The following FTO variants were observed in gnomAD, a reference collection of about 807,000 sequenced individuals.
FTO encodes the protein alpha-ketoglutarate-dependent dioxygenase FTO.
Under a neutral mutation model 63.9 loss-of-function variants are expected in FTO, and 47 were observed. The ratio of observed to expected loss-of-function variants is 0.74; its 90% CI spans 0.58 to 0.94. The LOEUF (loss-of-function observed/expected upper bound fraction) is 0.94. FTO is among the 40% of genes least tolerant of loss of function. The pLI, the probability that FTO is intolerant of heterozygous loss-of-function variation, is 0.00. For missense variants in FTO, 562 were observed against 618.1 expected, an observed-to-expected ratio of 0.91 and a Z score of 0.96; for synonymous variants, 207 against 224.4, an observed-to-expected ratio of 0.92 and a Z score of 0.69.
intron 8 of FTO, among the ~76,000 whole-genome samples, chr16:53,980,744 C>G (rs2083523662): frequency 6.6e-6 from 1 of 152,152 alleles, no homozygotes; most frequent in Non-Finnish European, 1.5e-5. Flanking sequence ...ATCAGTAAAT[C>G]TAAATAGAAA....
intron 1 of FTO, among the ~76,000 whole-genome samples, chr16:53,736,353 AT>A (rs148449131): frequency 0.05 from 7,585 of 150,736 alleles, 617 homozygotes; most frequent in African/African-American, 0.18. Context: ...TTAAAGTATA[AT>A]TAAAAAAAAA....
intron 8 of FTO, chr16:54,039,777 C>T (rs1413178771): frequency 6.6e-6 from 1 of 152,222 alleles, no homozygotes; most frequent in African/African-American, 2.4e-5. Flanking sequence ...AAGGTTTATC[C>T]TGATTGTAAT....
At chr16:54,055,653 G>C (rs2085414739) in intron 8 of FTO, among the ~76,000 whole-genome samples, 1 of 152,088 alleles carries the variant, frequency 6.6e-6, no homozygotes, top group Non-Finnish European at 1.5e-5. Context: ...AATTCCCTAG[G>C]AAGAAACAAG....
chr16:53,825,776 C>T (rs1598756239), intron 2 of FTO, 88 bp from the exon 3 acceptor site: 10 of 1,515,748 alleles, frequency 6.6e-6, no homozygotes, highest in Non-Finnish European at 9.0e-6. Flanking sequence ...CCCACAACTC[C>T]CCAAATGCTT....
intron 8 of FTO, among the ~76,000 whole-genome samples, chr16:54,016,407 A>G (rs1446354772): frequency 1.3e-5 from 2 of 151,930 alleles, no homozygotes; most frequent in African/African-American, 4.8e-5. Flanking sequence ...CCTAGTTGCT[A>G]CCACCCCTCA....
chr16:53,989,445 C>T (rs1187629581), intron 8 of FTO, among the ~76,000 whole-genome samples: 5 of 152,140 alleles, frequency 3.3e-5, no homozygotes, highest in South Asian at 2.1e-4. Context: ...ACTGGGGTCT[C>T]GAACCCAGTA....
intron 8 of FTO, among the ~76,000 whole-genome samples, chr16:54,092,924 CA>C (rs2086426315): frequency 6.6e-6 from 1 of 152,232 alleles, no homozygotes; most frequent in Non-Finnish European, 1.5e-5. Context: ...CAGGAAGCAG[CA>C]AGGAAGCAGC....
chr16:53,939,030 G>A (rs1478142310), intron 8 of FTO, among the ~76,000 whole-genome samples: 3 of 152,054 alleles, frequency 2.0e-5, no homozygotes, highest in South Asian at 2.1e-4. Flanking sequence ...CCCGGGAGGC[G>A]GAGCTTGCAG....
intron 1 of FTO, among the ~76,000 whole-genome samples, chr16:53,722,160 G>A (rs534700489): frequency 6.6e-6 from 1 of 152,232 alleles, no homozygotes; most frequent in East Asian, 1.9e-4. Context: ...GTGTCAAAAA[G>A]TATGATACTA....
intron 2 of FTO, among the ~76,000 whole-genome samples, chr16:53,819,787 C>T (rs2151759536): frequency 6.6e-6 from 1 of 152,160 alleles, no homozygotes; most frequent in Admixed American, 6.5e-5. Context: ...TGGTAAATTT[C>T]CAGAGGCATA....
chr16:53,733,980 C>T (rs987555749), intron 1 of FTO, among the ~76,000 whole-genome samples: 6 of 152,212 alleles, frequency 3.9e-5, no homozygotes, highest in Non-Finnish European at 8.8e-5. Context: ...CACACAAGCA[C>T]ACACATTTTA....
chr16:53,971,646 G>A (rs1461960065), intron 8 of FTO, among the ~76,000 whole-genome samples: 5 of 152,120 alleles, frequency 3.3e-5, no homozygotes, highest in Non-Finnish European at 7.4e-5. Context: ...AATAATTTGG[G>A]AACAGCCCCC....
chr16:53,720,794 T>C (rs1185575899), intron 1 of FTO, among the ~76,000 whole-genome samples: 1 of 151,786 alleles, frequency 6.6e-6, no homozygotes, highest in Non-Finnish European at 1.5e-5. Flanking sequence ...TTTTTCTTTT[T>C]TTCTTTGAGA....
chr16:53,751,604 A>G (rs1008203758), intron 1 of FTO, among the ~76,000 whole-genome samples: 1 of 152,206 alleles, frequency 6.6e-6, no homozygotes. Flanking sequence ...AGGCAAATCT[A>G]TGAAGATGGG....
chr16:53,889,088 G>A (rs1478505240), intron 7 of FTO, 137 bp downstream of exon 7: 6 of 1,025,502 alleles, frequency 5.9e-6, no homozygotes, highest in Non-Finnish European at 9.2e-6. Context: ...AAGGTGATGG[G>A]TATAGCCAGG....
intron 8 of FTO, among the ~76,000 whole-genome samples, chr16:53,976,108 G>A (rs2083434341): frequency 6.6e-6 from 1 of 152,138 alleles, no homozygotes; most frequent in Non-Finnish European, 1.5e-5. Context: ...ATGTCTTAAT[G>A]TGATATTCCT....
intron 8 of FTO, among the ~76,000 whole-genome samples, chr16:54,018,446 A>G (rs2084512561): frequency 6.6e-6 from 1 of 152,140 alleles, no homozygotes; most frequent in East Asian, 1.9e-4. Context: ...ACATACATAC[A>G]TACATTCATT....
At chr16:53,972,709 A>G (rs2083352678) in intron 8 of FTO, among the ~76,000 whole-genome samples, 1 of 152,168 alleles carries the variant, frequency 6.6e-6, no homozygotes, top group Non-Finnish European at 1.5e-5. Flanking sequence ...TACTGCCTAC[A>G]TTTCAATCAG....
At chr16:53,982,933 C>T (rs917198649) in intron 8 of FTO, among the ~76,000 whole-genome samples, 24 of 152,046 alleles carry the variant, frequency 1.6e-4, no homozygotes, top group Admixed American at 1.2e-3. Context: ...ACTACCCAAG[C>T]GGGTAGTGAT....
Sources: allele counts gnomAD v4.1 joint callset (sites outside exome capture counted in the v4.1 genomes callset), GRCh38; gene constraint gnomAD v4.1.1; transcripts MANE v1.5; gene names NCBI Gene and HGNC (gene_info 2026-07-23, HGNC 2026-07-21).